Variants in PRKN observed in about 807,000 individuals in gnomAD.
The protein encoded by PRKN is E3 ubiquitin-protein ligase parkin.
PRKN carries 56 observed loss-of-function variants against 59.5 expected under a neutral mutation model. That is an observed-to-expected ratio of 0.94 (90% confidence interval 0.76 to 1.18). PRKN has a LOEUF of 1.18. Among genes scored for constraint, PRKN ranks in the 50% most tolerant of loss-of-function variants. The pLI is 0.00. For missense variants in PRKN, 657 were observed against 596.4 expected, an observed-to-expected ratio of 1.10 and a Z score of -1.06; for synonymous variants, 250 against 222.1, an observed-to-expected ratio of 1.13 and a Z score of -1.12.
At chr6:161,682,233 T>A (rs997780949) in intron 7 of PRKN, among the ~76,000 whole-genome samples, 2 of 152,006 alleles carry the variant, frequency 1.3e-5, no homozygotes, top group Non-Finnish European at 2.9e-5. Context: ...CACACAGGTG[T>A]GGAAAAGGGC....
chr6:162,440,648 C>G (rs1790007803), intron 2 of PRKN, among the ~76,000 whole-genome samples: 1 of 152,070 alleles, frequency 6.6e-6, no homozygotes, highest in South Asian at 2.1e-4. Context: ...GAGGAAGACA[C>G]CCAGCAAGCA....
chr6:162,137,902 T>TTA (rs1781615642), intron 4 of PRKN, among the ~76,000 whole-genome samples: 1 of 152,112 alleles, frequency 6.6e-6, no homozygotes, highest in African/African-American at 2.4e-5. Flanking sequence ...TATATAGAAG[T>TTA]TATATATATA....
At chr6:162,147,570 G>C (rs1222718962) in intron 4 of PRKN, among the ~76,000 whole-genome samples, 4 of 151,996 alleles carry the variant, frequency 2.6e-5, no homozygotes, top group Admixed American at 6.6e-5. Flanking sequence ...CAGCATTCTG[G>C]ACACCCTACT....
chr6:162,382,897 T>C (rs529427159), intron 2 of PRKN, among the ~76,000 whole-genome samples: 2 of 152,358 alleles, frequency 1.3e-5, no homozygotes, highest in African/African-American at 4.8e-5. Flanking sequence ...CACAGCATCT[T>C]CACCAGGAGC....
At chr6:162,354,081 T>C (rs1426713141) in intron 2 of PRKN, among the ~76,000 whole-genome samples, 1 of 152,166 alleles carries the variant, frequency 6.6e-6, no homozygotes, top group Non-Finnish European at 1.5e-5. Context: ...GGTGTATTTG[T>C]CTAGAATTTA....
chr6:162,044,210 G>T (rs1446073145), intron 5 of PRKN, among the ~76,000 whole-genome samples: 2 of 152,082 alleles, frequency 1.3e-5, no homozygotes, highest in Non-Finnish European at 2.9e-5. Flanking sequence ...TACAGACTTC[G>T]CAACTGCTGT....
At chr6:161,725,385 C>T (rs2128186605) in intron 7 of PRKN, among the ~76,000 whole-genome samples, 1 of 152,230 alleles carries the variant, frequency 6.6e-6, no homozygotes, top group South Asian at 2.1e-4. Context: ...AACTACATTA[C>T]TTGGTGCCTG....
intron 4 of PRKN, among the ~76,000 whole-genome samples, chr6:162,088,166 T>C (rs1208506934): frequency 6.6e-6 from 1 of 152,062 alleles, no homozygotes; most frequent in African/African-American, 2.4e-5. Flanking sequence ...GAAACAAAAA[T>C]AGTGACTATG....
At chr6:161,702,972 A>G (rs1786315248) in intron 7 of PRKN, among the ~76,000 whole-genome samples, 1 of 151,678 alleles carries the variant, frequency 6.6e-6, no homozygotes, top group African/African-American at 2.4e-5. Context: ...TGTACAAATC[A>G]TGTACCTACC....
At chr6:161,835,664 G>A (rs1340435809) in intron 6 of PRKN, among the ~76,000 whole-genome samples, 1 of 152,222 alleles carries the variant, frequency 6.6e-6, no homozygotes, top group South Asian at 2.1e-4. Flanking sequence ...GGGTTGGGGA[G>A]GGGCTCAGGC....
At chr6:162,058,644 G>A (rs184197122) in intron 4 of PRKN, among the ~76,000 whole-genome samples, 1 of 152,200 alleles carries the variant, frequency 6.6e-6, no homozygotes, top group Admixed American at 6.5e-5. Context: ...ACACCTACGT[G>A]GCAACAGCCA....
intron 7 of PRKN, among the ~76,000 whole-genome samples, chr6:161,711,253 A>G (rs571631087): frequency 1.7e-4 from 26 of 152,348 alleles, no homozygotes; most frequent in African/African-American, 5.8e-4. Flanking sequence ...GAATGGAAGA[A>G]AGGGAAATAC....
chr6:161,803,208 T>C (rs1314523570), intron 6 of PRKN, among the ~76,000 whole-genome samples: 8 of 152,186 alleles, frequency 5.3e-5, no homozygotes, highest in African/African-American at 1.9e-4. Context: ...CACAAAAGAA[T>C]GCTGGTTTTG....
chr6:161,703,833 CTCTCTCTTTTTTTTTTTTTTTTTT>C (rs1786357903), intron 7 of PRKN, among the ~76,000 whole-genome samples: 1 of 127,582 alleles, frequency 7.8e-6, no homozygotes, highest in African/African-American at 3.3e-5. Flanking sequence ...CTCTCTCTCT[CTCTCTCTTTTTTTTTTTTTTTTTT>C]TTTTTTTTTT....
rs573944965 is a variant in PRKN, at chr6:162,467,489, G to A, written c.8-24016C>T. Reference sequence around the variant, plus strand: ...GAATAGCTCATGATAAAAATTTAGCGATCGTCATCAGTGTATCCCTTTATC... The same window carrying A: ...GAATAGCTCATGATAAAAATTTAGCAATCGTCATCAGTGTATCCCTTTATC... On this transcript the variant is annotated intron_variant, in intron 1 of 11. Transcript: ENST00000366898. Among the ~76,000 whole-genome samples, 19 of 152,148 alleles carry A rather than the reference G, an allele frequency of 1.2e-4. No individual in the cohort carries two copies. In the East Asian group the frequency reaches 3.3e-3, roughly 26 times the overall value.
At chr6:161,946,248 C>G (rs1452899178) in intron 6 of PRKN, among the ~76,000 whole-genome samples, 2 of 152,048 alleles carry the variant, frequency 1.3e-5, no homozygotes, top group Non-Finnish European at 2.9e-5. Flanking sequence ...GATGAAGTTT[C>G]TTATTTATTA....
At chr6:162,193,810 G>T (rs1784387268) in intron 4 of PRKN, among the ~76,000 whole-genome samples, 2 of 152,090 alleles carry the variant, frequency 1.3e-5, no homozygotes, top group Admixed American at 1.3e-4. Context: ...GAGCTCTTCA[G>T]GTCCCCTCCT....
intron 7 of PRKN, among the ~76,000 whole-genome samples, chr6:161,720,892 G>A (rs1317470828): frequency 1.3e-5 from 2 of 152,042 alleles, no homozygotes; most frequent in Non-Finnish European, 2.9e-5. Flanking sequence ...AGAGTAAAGA[G>A]AGATTAAGTG....
chr6:162,623,988 C>T (rs890405818), intron 1 of PRKN, among the ~76,000 whole-genome samples: 3 of 152,114 alleles, frequency 2.0e-5, no homozygotes, highest in Admixed American at 2.0e-4. Context: ...GTGTCTCACA[C>T]CTGTAATCCC....
Sources: allele counts gnomAD v4.1 joint callset (sites outside exome capture counted in the v4.1 genomes callset), GRCh38; gene constraint gnomAD v4.1.1; transcripts MANE v1.5; gene names NCBI Gene and HGNC (gene_info 2026-07-23, HGNC 2026-07-21).